PLEKHA5: variants seen among roughly 807,000 people sequenced by gnomAD.
The protein encoded by PLEKHA5 is pleckstrin homology domain-containing family A member 5.
PLEKHA5 carries 55 observed loss-of-function variants against 181.9 expected under a neutral mutation model. The ratio of observed to expected loss-of-function variants is 0.30; its 90% CI spans 0.24 to 0.38. The LOEUF (loss-of-function observed/expected upper bound fraction) is 0.38, where lower values mean the gene tolerates loss of function less well. PLEKHA5 is among the 10% of genes least tolerant of loss of function. The probability of loss-of-function intolerance (pLI) is 1.00; values close to 1 mark genes in which losing one functional copy is unlikely to be tolerated. For synonymous variants in PLEKHA5, 535 were observed against 529.4 expected (o/e 1.01, Z -0.15); for missense variants, 1,432 against 1,549.5 (o/e 0.92, Z 1.27).
At chr12:19,224,259 G>T (rs983742517) in intron 3 of PLEKHA5, among the ~76,000 whole-genome samples, 1 of 152,110 alleles carries the variant, frequency 6.6e-6, no homozygotes, top group Non-Finnish European at 1.5e-5. Context: ...GATGAGACTA[G>T]GTTGCTTTTT....
At chr12:19,144,596 T>C (rs550143513) in intron 3 of PLEKHA5, among the ~76,000 whole-genome samples, 4 of 152,288 alleles carry the variant, frequency 2.6e-5, no homozygotes, top group African/African-American at 7.2e-5. Flanking sequence ...TGGGACGTAA[T>C]GTAATGGACA....
At chr12:19,143,440 T>C (rs1440972935) in intron 3 of PLEKHA5, among the ~76,000 whole-genome samples, 1 of 152,196 alleles carries the variant, frequency 6.6e-6, no homozygotes, top group African/African-American at 2.4e-5. Flanking sequence ...ATTTTTATTG[T>C]AGAACATTTG....
intron 3 of PLEKHA5, among the ~76,000 whole-genome samples, chr12:19,172,464 G>A (rs938597633): frequency 1.3e-5 from 2 of 152,028 alleles, no homozygotes; most frequent in Admixed American, 6.6e-5. Flanking sequence ...GACCCGGGGG[G>A]GCAAAAGATT....
intron 20 of PLEKHA5, 63 bp downstream of exon 20, chr12:19,322,730 C>G: frequency 1.5e-5 from 17 of 1,150,640 alleles, no homozygotes; most frequent in Non-Finnish European, 2.1e-5. Context: ...ATTTTCTTCT[C>G]TTTTTTTTAA....
intron 30 of PLEKHA5, among the ~76,000 whole-genome samples, chr12:19,367,757 T>G (rs1247692430): frequency 7.0e-6 from 1 of 142,098 alleles, no homozygotes; most frequent in Non-Finnish European, 1.5e-5. Context: ...TTTTTTGTAT[T>G]TTTTTTTTTT....
chr12:19,302,755 C>G (rs557849874), intron 15 of PLEKHA5, among the ~76,000 whole-genome samples: 45 of 151,852 alleles, frequency 3.0e-4, no homozygotes, highest in Non-Finnish European at 5.4e-4. Context: ...CAACATGTGG[C>G]TATTTAAATT....
At chr12:19,299,006 TGAA>T (rs748789350) in intron 15 of PLEKHA5, among the ~76,000 whole-genome samples, 3 of 152,210 alleles carry the variant, frequency 2.0e-5, no homozygotes, top group Non-Finnish European at 2.9e-5. Flanking sequence ...GGCTGACTGA[TGAA>T]GAAGAAGAAA....
chr12:19,231,612 A>ATATTTATATATGTACACATAT (rs1424318753), intron 3 of PLEKHA5, among the ~76,000 whole-genome samples: 1 of 147,372 alleles, frequency 6.8e-6, no homozygotes, highest in Admixed American at 6.9e-5. Flanking sequence ...ATATATATAT[A>ATATTTATATATGTACACATAT]AATACTCATA....
intron 3 of PLEKHA5, chr12:19,243,397 A>G (rs994247052): frequency 1.3e-5 from 2 of 152,190 alleles, no homozygotes; most frequent in African/African-American, 4.8e-5. Flanking sequence ...CCTACCTCAA[A>G]TGGGCTCTGT....
chr12:19,164,376 G>A lies in PLEKHA5; in HGVS notation c.227+31926G>A, dbSNP rs575830899. ...ACCACAGCTAATTTTTGTATTTTTA[G>A]TAGAGACGGAGTTTCACCATGTTGG... On this transcript the variant is annotated intron_variant, in intron 3 of 31. Coordinates refer to ENST00000429027, the MANE Select transcript of PLEKHA5 (RefSeq NM_001256470.2). 4.0e-5 allele frequency among the ~76,000 whole-genome samples: 6 copies of A among 151,876 alleles called. No individual in the cohort carries two copies. The South Asian group carries it at 1.2e-3, about 32-fold the overall frequency.
chr12:19,173,793 G>T (rs1164699619), intron 3 of PLEKHA5, among the ~76,000 whole-genome samples: 2 of 152,008 alleles, frequency 1.3e-5, no homozygotes, highest in African/African-American at 4.8e-5. Flanking sequence ...TTTGAATTTG[G>T]CCAGGTCTCA....
chr12:19,204,792 A>G (rs2152102921), intron 3 of PLEKHA5, among the ~76,000 whole-genome samples: 1 of 152,258 alleles, frequency 6.6e-6, no homozygotes, highest in Non-Finnish European at 1.5e-5. Flanking sequence ...ATTAGTCTTT[A>G]TTAATATTTC....
intron 3 of PLEKHA5, among the ~76,000 whole-genome samples, chr12:19,234,368 C>G (rs1434907345): frequency 1.3e-5 from 2 of 152,154 alleles, no homozygotes; most frequent in Non-Finnish European, 2.9e-5. Flanking sequence ...GAGCAGGGAC[C>G]TTATCTTATG....
At chr12:19,237,275 GA>G (rs2061548032) in intron 3 of PLEKHA5, among the ~76,000 whole-genome samples, 1 of 152,078 alleles carries the variant, frequency 6.6e-6, no homozygotes, top group African/African-American at 2.4e-5. Flanking sequence ...TTTAAGATTT[GA>G]GCATTGGGAA....
chr12:19,251,473 A>G (rs2065269060), intron 3 of PLEKHA5, among the ~76,000 whole-genome samples: 1 of 152,076 alleles, frequency 6.6e-6, no homozygotes, highest in African/African-American at 2.4e-5. Flanking sequence ...GGTGTGTTTC[A>G]TAAAACAGGC....
chr12:19,242,399 C>T (rs935876657), intron 3 of PLEKHA5, among the ~76,000 whole-genome samples: 2 of 151,944 alleles, frequency 1.3e-5, no homozygotes, highest in Admixed American at 6.6e-5. Flanking sequence ...CCACTGCACA[C>T]CTGGCTAATT....
chr12:19,144,693 G>T (rs929488400), intron 3 of PLEKHA5, among the ~76,000 whole-genome samples: 1 of 152,176 alleles, frequency 6.6e-6, no homozygotes, highest in African/African-American at 2.4e-5. Context: ...AGAATTTGGA[G>T]ACCAACTTCT....
intron 3 of PLEKHA5, among the ~76,000 whole-genome samples, chr12:19,162,345 A>G (rs914567720): frequency 6.6e-6 from 1 of 152,230 alleles, no homozygotes; most frequent in Non-Finnish European, 1.5e-5. Context: ...TAAATTATTA[A>G]CAATTTTTAG....
intron 3 of PLEKHA5, among the ~76,000 whole-genome samples, chr12:19,193,304 G>T (rs1264455339): frequency 6.6e-6 from 1 of 152,132 alleles, no homozygotes; most frequent in Admixed American, 6.5e-5. Flanking sequence ...TGTTTATTAA[G>T]ATAATTTATG....
Sources: allele counts gnomAD v4.1 joint callset (sites outside exome capture counted in the v4.1 genomes callset), GRCh38; gene constraint gnomAD v4.1.1; transcripts MANE v1.5; gene names NCBI Gene and HGNC (gene_info 2026-07-23, HGNC 2026-07-21).